The following KCNQ1 variants were observed in gnomAD, a reference collection of about 807,000 sequenced individuals.
KCNQ1 encodes potassium voltage-gated channel subfamily Q member 1, also known as potassium voltage-gated channel subfamily KQT member 1.
KCNQ1 carries 49 observed loss-of-function variants against 72.4 expected under a neutral mutation model. That is an observed-to-expected ratio of 0.68 (90% confidence interval 0.54 to 0.86). The LOEUF (loss-of-function observed/expected upper bound fraction) is 0.86, where lower values mean the gene tolerates loss of function less well. Ranked by LOEUF, KCNQ1 falls within the 40% of genes least tolerant of loss-of-function variation. KCNQ1 has a pLI of 0.00. For missense variants in KCNQ1, 790 were observed against 945.1 expected, an observed-to-expected ratio of 0.84 and a Z score of 2.15; for synonymous variants, 450 against 412.6, an observed-to-expected ratio of 1.09 and a Z score of -1.10.
In KCNQ1 at chr11:2,809,333, A is replaced by G. The variant is rs1375870851; in HGVS notation, c.1794+31296A>G. On this transcript the variant is annotated intron_variant, in intron 15 of 15. Transcript: ENST00000155840. This position sits in a 1 kb window ranked among gnomAD's most constrained non-coding sequence, Gnocchi z 7.1. ...AAATAAAATGTGGGACGCTGGACTCATCGTGGGTTTTTGCGGTCTTCTCTC... is the reference window on the plus strand; with the variant it reads ...AAATAAAATGTGGGACGCTGGACTCGTCGTGGGTTTTTGCGGTCTTCTCTC... Among the ~76,000 whole-genome samples, 1 of 152,224 alleles carries G rather than the reference A, an allele frequency of 6.6e-6. No individual in the cohort carries two copies. Among genetic ancestry groups the G allele is most frequent in the African/African-American group, 2.4e-5 (1 of 41,454 alleles).
chr11:2,583,573 T>C (rs2133751091), intron 7 of KCNQ1, 28 bp downstream of exon 7: 1 of 1,494,164 alleles, frequency 6.7e-7, no homozygotes, highest in African/African-American at 1.4e-5. Context: ...GCGTTTTCCC[T>C]GGCTCCTTGG....
At chr11:2,553,153 G>T (rs554074439) in intron 2 of KCNQ1, among the ~76,000 whole-genome samples, 41 of 122,636 alleles carry the variant, frequency 3.3e-4, no homozygotes, top group South Asian at 7.7e-4. Context: ...TGTTTTTGGG[G>T]TTTTTTTTGT....
Position 2,783,327 on chromosome 11 carries a change from A to T in KCNQ1, c.1794+5290A>T, listed in dbSNP as rs1846856032. On this transcript the variant is annotated intron_variant, in intron 15 of 15. Transcript: ENST00000155840. This position sits in a 1 kb window ranked among gnomAD's most constrained non-coding sequence, Gnocchi z 5.2. ...CAGAGAAAGCAATCCATATGATATT[A>T]ATCCTTTAGAATGTTTTGAAATATG... Among the ~76,000 whole-genome samples, 1 of 152,134 alleles carries T rather than the reference A, an allele frequency of 6.6e-6. No homozygotes were observed. Among genetic ancestry groups the T allele is most frequent in the Non-Finnish European group, 1.5e-5 (1 of 67,970 alleles).
chr11:2,644,631 T>C (rs1472601824), intron 10 of KCNQ1: 1 of 398,530 alleles, frequency 2.5e-6, no homozygotes, highest in East Asian at 3.6e-5. Context: ...ATGTTTCTTG[T>C]GTGCTTACAC....
At position 2,516,433 on chromosome 11, in the gene KCNQ1, C is replaced by G. The variant is rs1388533856; in HGVS notation, c.387-11495C>G. Among the ~76,000 whole-genome samples, 1 of 152,108 alleles carries G rather than the reference C, an allele frequency of 6.6e-6. No homozygotes were observed. The highest frequency in any genetic ancestry group is 1.5e-5 in the Non-Finnish European group (1 of 68,034). Reference sequence around the variant, plus strand: ...TTTAAAGGGGATGTGGCGGCCAGCTCTGGGGGCACACGTTCCTGTTTGAAT... The same window carrying G: ...TTTAAAGGGGATGTGGCGGCCAGCTGTGGGGGCACACGTTCCTGTTTGAAT... On this transcript the variant is annotated intron_variant, in intron 1 of 15. Coordinates refer to ENST00000155840, the MANE Select transcript of KCNQ1 (RefSeq NM_000218.3). The surrounding 1 kb of genome is among the most constrained non-coding windows in gnomAD (Gnocchi z 7.0).
In KCNQ1 at chr11:2,543,981, G is replaced by T. The variant is rs559000196; in HGVS notation, c.477+15963G>T. 4.6e-5 allele frequency among the ~76,000 whole-genome samples: 7 copies of T among 152,288 alleles called. No individual in the cohort carries two copies. The highest frequency in any genetic ancestry group is 1.7e-4 in the African/African-American group (7 of 41,556). ...CTTTTGCCAGTCACACACTGGGATT[G>T]TTACAGCCCTATAATACGGTTAAAA... On this transcript the variant is annotated intron_variant, in intron 2 of 15. Transcript: ENST00000155840. The surrounding 1 kb of genome is among the most constrained non-coding windows in gnomAD (Gnocchi z 5.6).
chr11:2,567,070 G>A lies in KCNQ1; in HGVS notation c.478-3558G>A, dbSNP rs192993746. The stretch of plus-strand genomic sequence containing the variant: ...TGGGGGGCACCTGGGGCCCACGGGA[G>A]GCTCTGGGGGAGACTGGGCGGTGAG... On this transcript the variant is annotated intron_variant, in intron 2 of 15. Transcript: ENST00000155840. The surrounding 1 kb of genome is among the most constrained non-coding windows in gnomAD (Gnocchi z 6.6). 5.5e-4 allele frequency among the ~76,000 whole-genome samples: 83 copies of A among 152,118 alleles called. No individual in the cohort carries two copies. Among genetic ancestry groups the A allele is most frequent in the African/African-American group, 1.9e-3 (79 of 41,502 alleles).
intron 11 of KCNQ1, among the ~76,000 whole-genome samples, chr11:2,763,749 A>T (rs534877010): frequency 6.6e-6 from 1 of 151,944 alleles, no homozygotes; most frequent in African/African-American, 2.4e-5. Flanking sequence ...TTTTCTACAG[A>T]TGGGGTCTCA....
At chr11:2,753,370 C>G (rs1286490959) in intron 11 of KCNQ1, among the ~76,000 whole-genome samples, 1 of 152,190 alleles carries the variant, frequency 6.6e-6, no homozygotes, top group African/African-American at 2.4e-5. Context: ...GCTTCAGCTG[C>G]TGTCCTGAGG....
At position 2,695,966 on chromosome 11, in the gene KCNQ1, T is replaced by G. The variant is rs983323870; in HGVS notation, c.1514+33885T>G. On this transcript the variant is annotated intron_variant, in intron 11 of 15. Transcript: ENST00000155840. The surrounding 1 kb of genome is among the most constrained non-coding windows in gnomAD (Gnocchi z 5.2). Reference sequence around the variant, plus strand: ...GTTGTTCCCTCCTCAGCTTTAATTGTTTCAAATATCTTGTAATGAGTCATG... The same window carrying G: ...GTTGTTCCCTCCTCAGCTTTAATTGGTTCAAATATCTTGTAATGAGTCATG... The G allele has an allele frequency of 2.5e-6, 1 of 398,664 alleles. No homozygotes were observed. The highest frequency in any genetic ancestry group is 4.4e-6 in the Non-Finnish European group (1 of 226,072). The allele number at this position is 398,664 out of a possible 1,614,324, so 24.7% of individuals were successfully genotyped here. A position where few individuals can be genotyped will look rare whatever the true frequency, so the allele number is the denominator to read the frequency against.
chr11:2,768,984 ACCTCTCC>A lies in KCNQ1; in HGVS notation c.1590+66_1590+72del. The A allele has an allele frequency of 7.6e-7, 1 of 1,320,152 alleles. No individual in the cohort carries two copies. The highest frequency in any genetic ancestry group is 1.7e-5 in the Admixed American group (1 of 58,722). 81.8% of individuals were successfully genotyped at this position (1,320,152 alleles called of 1,614,324 possible). A position where few individuals can be genotyped will look rare whatever the true frequency, so the allele number is the denominator to read the frequency against. ...CTCGCAGCCTGATGCAGCTGCCCAC[ACCTCTCC>A]TGGGTTCTCTCCTGCCCATAGTGGA... On this transcript the variant is annotated intron_variant, in intron 12 of 15. Transcript: ENST00000155840. The surrounding 1 kb of genome is among the most constrained non-coding windows in gnomAD (Gnocchi z 6.7).
At chr11:2,740,159 C>T (rs569671925) in intron 11 of KCNQ1, among the ~76,000 whole-genome samples, 8 of 152,196 alleles carry the variant, frequency 5.3e-5, no homozygotes, top group Non-Finnish European at 1.0e-4. Context: ...AACTTCTTTA[C>T]CCCTCTGTGA....
At chr11:2,521,482 C>A (rs1260715873) in intron 1 of KCNQ1, 1 of 467,688 alleles carries the variant, frequency 2.1e-6, no homozygotes, top group Non-Finnish European at 4.5e-6. Flanking sequence ...TTTACAGATT[C>A]AAGAAATTAA....
chr11:2,694,928 G>C, intron 11 of KCNQ1: 1 of 398,714 alleles, frequency 2.5e-6, no homozygotes, highest in Non-Finnish European at 4.4e-6. Context: ...GGCAGAGGTG[G>C]TGAAGGCCTT....
chr11:2,544,899 T>C lies in KCNQ1; in HGVS notation c.477+16881T>C, dbSNP rs896340433. 6.6e-6 allele frequency among the ~76,000 whole-genome samples: 1 copy of C among 152,192 alleles called. No individual in the cohort carries two copies. Among genetic ancestry groups the C allele is most frequent in the African/African-American group, 2.4e-5 (1 of 41,454 alleles). On this transcript the variant is annotated intron_variant, in intron 2 of 15. Coordinates refer to ENST00000155840, the MANE Select transcript of KCNQ1 (RefSeq NM_000218.3). The surrounding 1 kb of genome is among the most constrained non-coding windows in gnomAD (Gnocchi z 4.4). Reference sequence around the variant, plus strand: ...CCCAGCCTTAGAAGACACACATCATTGTTCACCGTCAAGGGTGATGTTGGC... The same window carrying C: ...CCCAGCCTTAGAAGACACACATCATCGTTCACCGTCAAGGGTGATGTTGGC...
At chr11:2,665,685 A>C (rs952138681) in intron 11 of KCNQ1, 7 of 398,062 alleles carry the variant, frequency 1.8e-5, no homozygotes, top group Admixed American at 4.4e-5. Context: ...GAATGGTGCC[A>C]GGAGGGAGAA....
At chr11:2,823,149 T>C (rs776355524) in intron 15 of KCNQ1, among the ~76,000 whole-genome samples, 1 of 152,090 alleles carries the variant, frequency 6.6e-6, no homozygotes, top group Non-Finnish European at 1.5e-5. Flanking sequence ...TGTGTCATCA[T>C]GCCCTTCAGG....
rs1849909324 is a variant in KCNQ1 at position 2,659,313 on chromosome 11, G to A, written c.1394-2648G>A. The A allele has an allele frequency of 5.0e-6, 2 of 398,552 alleles. No individual in the cohort carries two copies. Among genetic ancestry groups the A allele is most frequent in the South Asian group, 2.5e-4 (2 of 7,860 alleles). 24.7% of individuals were successfully genotyped at this position (398,552 alleles called of 1,614,324 possible). Reference sequence around the variant, plus strand: ...TATTGATCTGTTTTATGTCCCTGTAGTTTTGTTTTTCTAGAATGTCCTATA... The same window carrying A: ...TATTGATCTGTTTTATGTCCCTGTAATTTTGTTTTTCTAGAATGTCCTATA... On this transcript the variant is annotated intron_variant, in intron 10 of 15. Transcript: ENST00000155840. This position sits in a 1 kb window ranked among gnomAD's most constrained non-coding sequence, Gnocchi z 4.3.
At chr11:2,738,228 G>A (rs1256119789) in intron 11 of KCNQ1, among the ~76,000 whole-genome samples, 1 of 151,908 alleles carries the variant, frequency 6.6e-6, no homozygotes, top group East Asian at 1.9e-4. Context: ...GGGGCACAGC[G>A]GGTTCCTTAC....
Sources: gnomAD v4.1 joint callset for allele counts (sites outside exome capture counted in the v4.1 genomes callset) on GRCh38, gnomAD v4.1.1 for gene constraint, Gnocchi (gnomAD v3.1) non-coding constraint, MANE v1.5 for transcripts, NCBI Gene and HGNC (gene_info 2026-07-23, HGNC 2026-07-21) for gene names.